Variants in MDM4 observed in about 807,000 individuals in gnomAD.
MDM4 encodes the protein protein Mdm4.
MDM4 carries 2 observed loss-of-function variants against 60.2 expected under a neutral mutation model. That is an observed-to-expected ratio of 0.03 (90% confidence interval 0.01 to 0.10). The LOEUF (loss-of-function observed/expected upper bound fraction) is 0.10. Among genes scored for constraint, MDM4 ranks in the 10% least tolerant of loss-of-function variants. The pLI is 1.00. For missense variants in MDM4, 447 were observed against 577.5 expected (o/e 0.77, Z 2.32); for synonymous variants, 202 against 198.1 (o/e 1.02, Z -0.17).
intron 3 of MDM4, among the ~76,000 whole-genome samples, chr1:204,526,696 C>G (rs558328848): frequency 2.6e-5 from 4 of 152,134 alleles, no homozygotes; most frequent in Non-Finnish European, 4.4e-5. Flanking sequence ...GTCTCCTGAC[C>G]TCATGATCCA....
intron 1 of MDM4, among the ~76,000 whole-genome samples, chr1:204,523,503 C>CTTTTT (rs1558310755): frequency 5.2e-4 from 43 of 82,024 alleles, no homozygotes; most frequent in Non-Finnish European, 7.7e-4. Context: ...TTTTTTTTTG[C>CTTTTT]GACAGGGTAT....
At chr1:204,521,433 G>A (rs1245111218) in intron 1 of MDM4, among the ~76,000 whole-genome samples, 1 of 152,080 alleles carries the variant, frequency 6.6e-6, no homozygotes, top group Non-Finnish European at 1.5e-5. Flanking sequence ...CCTCGAGACC[G>A]TTGAGTAAGT....
At position 204,557,926 on chromosome 1, in the gene MDM4, TAATAAC is replaced by T. The variant is rs375960251; in HGVS notation, c.*8247_*8252del. 7,228 of 145,126 alleles carry T rather than the reference TAATAAC, an allele frequency of 0.05. 180 individuals carry two copies. Among genetic ancestry groups the T allele is most frequent in the Middle Eastern group, 0.1 (42 of 422 alleles). The allele number at this position is 145,126 out of a possible 1,614,324, so 9.0% of individuals were successfully genotyped here. ...TCGCTAATAATAATAATAATAATAA[TAATAAC>T]AACAACTTATTGAATGTGGCCAGCT... On this transcript the variant is annotated 3_prime_UTR_variant, in exon 11 of 11. Coordinates refer to ENST00000367182, the MANE Select transcript of MDM4 (RefSeq NM_002393.5).
intron 3 of MDM4, among the ~76,000 whole-genome samples, chr1:204,530,090 G>A (rs1423387886): frequency 6.6e-6 from 1 of 152,122 alleles, no homozygotes; most frequent in Non-Finnish European, 1.5e-5. Flanking sequence ...TGCCCAGGCT[G>A]GTATCAAACT....
chr1:204,538,255 A>G lies in MDM4; in HGVS notation c.458A>G (p.Asp153Gly), dbSNP rs116197192. 1,242 of 1,612,336 alleles carry G rather than the reference A, an allele frequency of 7.7e-4. 1 individual carries two copies. The highest frequency in any genetic ancestry group is 9.8e-4 in the Non-Finnish European group (1,151 of 1,178,352). The change falls in exon 7 of 11, where the codon GAC becomes GGC. Residue 153 changes from aspartate (D) to glycine (G), a missense_variant. By Grantham distance (94) the Asp-to-Gly change is moderately conservative (BLOSUM62 -1). Coordinates refer to ENST00000367182, the MANE Select transcript of MDM4 (RefSeq NM_002393.5). ...ACTTCCAGAAAAAGAACTACAGAAG[A>G]CGATATCCCCACACTGCCTACCTCA... ...SSTSRKRTTE[D>G]DIPTLPTSEH...
At chr1:204,541,091 C>T (rs1399977307) in intron 7 of MDM4, among the ~76,000 whole-genome samples, 1 of 152,094 alleles carries the variant, frequency 6.6e-6, no homozygotes, top group East Asian at 1.9e-4. Context: ...TAATTTTATT[C>T]CTTAATGCAA....
At chr1:204,523,394 G>A (rs61817959) in intron 1 of MDM4, among the ~76,000 whole-genome samples, 23,309 of 148,530 alleles carry the variant, frequency 0.16, 2,222 homozygotes, top group East Asian at 0.38. Flanking sequence ...GTGAACCCAG[G>A]AGGCGGAGCT....
At position 204,544,562 on chromosome 1, in the gene MDM4, A is replaced by C; in HGVS notation, c.700A>C (p.Thr234Pro). 1 of 1,612,450 alleles carries C rather than the reference A, an allele frequency of 6.2e-7. No homozygotes were observed. The highest frequency in any genetic ancestry group is 8.5e-7 in the Non-Finnish European group (1 of 1,178,974). The change falls in exon 9 of 11, where the codon ACT becomes CCT. Residue 234 changes from threonine (T) to proline (P), a missense_variant. Around this residue, in one of 8 missense-constraint regions of MDM4, gnomAD observed 184 missense variants for 179.3 expected, o/e 1.03. Coordinates refer to ENST00000367182, the MANE Select transcript of MDM4 (RefSeq NM_002393.5). ...TGTGGGTACTGCCATTGTTTCAGAT[A>C]CTACAGATGACTTGTGGTTTTTGAA... ...QDVGTAIVSD[T>P]TDDLWFLNES...
intron 6 of MDM4, chr1:204,537,864 CTT>C: frequency 1.5e-6 from 1 of 669,320 alleles, no homozygotes; most frequent in South Asian, 1.4e-5. Context: ...CCTGGGGAAA[CTT>C]TATAGTCATC....
chr1:204,523,718 C>T (rs751841686), intron 1 of MDM4, among the ~76,000 whole-genome samples: 3 of 151,740 alleles, frequency 2.0e-5, no homozygotes, highest in Non-Finnish European at 4.4e-5. Flanking sequence ...AATAAATTTT[C>T]GAAGCTGCAA....
chr1:204,553,449 T>C lies in MDM4; in HGVS notation c.*3767T>C, dbSNP rs1663361115. The C allele has an allele frequency of 4.4e-6, 1 of 226,014 alleles. No homozygotes were observed. The highest frequency in any genetic ancestry group is 6.4e-5 in the East Asian group (1 of 15,678). The allele number at this position is 226,014 out of a possible 1,614,324, so 14.0% of individuals were successfully genotyped here. On this transcript the variant is annotated 3_prime_UTR_variant, in exon 11 of 11. Transcript: ENST00000367182. ...GCATGTCCCCTTTCACTTTCAAACC[T>C]CTTCATTTGGATGTTAAATTATATG...
At position 204,549,483 on chromosome 1, in the gene MDM4, A is replaced by C; in HGVS notation, c.1274A>C (p.Glu425Ala). 3.7e-6 allele frequency: 6 copies of C among 1,610,476 alleles called. No homozygotes were observed. Among genetic ancestry groups the C allele is most frequent in the Non-Finnish European group, 5.1e-6 (6 of 1,178,962 alleles). Residue 425 changes from glutamate to alanine, a missense_variant, in exon 11 of 11, where the codon GAA becomes GCA. Glu to Ala is a moderately radical substitution (Grantham distance 107, BLOSUM62 -1). This residue lies in a region of MDM4 where 117 missense variants were observed against 114.5 expected (regional missense o/e 1.02). Transcript: ENST00000367182. ...CTTTCTGAACAGAGAACAGATACAGAAAACATGGAGGATTGCCAGAATCTC... is the reference window on the plus strand; with the variant it reads ...CTTTCTGAACAGAGAACAGATACAGCAAACATGGAGGATTGCCAGAATCTC... ...DNLSEQRTDT[E>A]NMEDCQNLLK...
intron 1 of MDM4, among the ~76,000 whole-genome samples, chr1:204,518,639 C>G (rs1008244432): frequency 5.3e-5 from 8 of 152,148 alleles, no homozygotes; most frequent in African/African-American, 1.9e-4. Context: ...GTGGAATGGT[C>G]AGCCTACTCC....
intron 1 of MDM4, among the ~76,000 whole-genome samples, chr1:204,517,728 C>G (rs551209594): frequency 1.3e-4 from 20 of 152,194 alleles, no homozygotes; most frequent in African/African-American, 4.6e-4. Context: ...AAGCAACACC[C>G]GGAGAAAATG....
intron 5 of MDM4, chr1:204,532,804 C>T: frequency 1.9e-6 from 3 of 1,611,636 alleles, no homozygotes; most frequent in Non-Finnish European, 1.7e-6. Context: ...TTCCCACGCT[C>T]TAGAGTTGGC....
chr1:204,522,245 T>A (rs189861504), intron 1 of MDM4, among the ~76,000 whole-genome samples: 1 of 151,998 alleles, frequency 6.6e-6, no homozygotes, highest in African/African-American at 2.4e-5. Context: ...GGAGGACTGC[T>A]TGAGCCCAGG....
rs865897180 is a variant in MDM4 at position 204,554,402 on chromosome 1, A to G, written c.*4720A>G. Reference sequence around the variant, plus strand: ...ATGGTTCTCCCAGTCATGAGTGTGCATGTGTGCAAGCATGTTTTGATCCTG... The same window carrying G: ...ATGGTTCTCCCAGTCATGAGTGTGCGTGTGTGCAAGCATGTTTTGATCCTG... On this transcript the variant is annotated 3_prime_UTR_variant, in exon 11 of 11. Coordinates refer to ENST00000367182, the MANE Select transcript of MDM4 (RefSeq NM_002393.5). The G allele has an allele frequency of 4.4e-6, 1 of 226,308 alleles. No homozygotes were observed. Among genetic ancestry groups the G allele is most frequent in the Non-Finnish European group, 8.8e-6 (1 of 113,900 alleles). 14.0% of individuals were successfully genotyped at this position (226,308 alleles called of 1,614,324 possible). A position where few individuals can be genotyped will look rare whatever the true frequency, so the allele number is the denominator to read the frequency against.
rs187912027 is a variant in MDM4 at position 204,552,008 on chromosome 1, C to T, written c.*2326C>T. On this transcript the variant is annotated 3_prime_UTR_variant, in exon 11 of 11. Transcript: ENST00000367182. ...AAAAAAAAAAAAAAAAATCGTGGAC[C>T]GGGCGTAGTGGCTCACGCCTGTAAT... is the stretch of plus-strand genomic sequence containing the variant. 1.6e-3 allele frequency: 270 copies of T among 172,878 alleles called. No individual in the cohort carries two copies. The highest frequency in any genetic ancestry group is 4.7e-3 in the Middle Eastern group (2 of 424). The allele number at this position is 172,878 out of a possible 1,614,324, so 10.7% of individuals were successfully genotyped here. A position where few individuals can be genotyped will look rare whatever the true frequency, so the allele number is the denominator to read the frequency against.
chr1:204,526,588 C>T (rs1229040362), intron 3 of MDM4, among the ~76,000 whole-genome samples, 154 bp downstream of exon 3: 3 of 151,826 alleles, frequency 2.0e-5, no homozygotes, highest in Non-Finnish European at 4.4e-5. Flanking sequence ...CTCAGCCTCC[C>T]GAGTAGCTGG....
Sources: allele counts gnomAD v4.1 joint callset (sites outside exome capture counted in the v4.1 genomes callset), GRCh38; gene constraint gnomAD v4.1.1; regional missense constraint gnomAD v4.1.1; transcripts MANE v1.5; gene names NCBI Gene and HGNC (gene_info 2026-07-23, HGNC 2026-07-21).